RCC1: variants seen among roughly 807,000 people sequenced by gnomAD.
The protein encoded by RCC1 is regulator of chromosome condensation.
In RCC1, 11 loss-of-function variants were observed where a neutral mutation model predicts 44.4. The ratio of observed to expected loss-of-function variants is 0.25; its 90% CI spans 0.16 to 0.41. The LOEUF (loss-of-function observed/expected upper bound fraction) is 0.41, where lower values mean the gene tolerates loss of function less well. Ranked by LOEUF, RCC1 falls within the 10% of genes least tolerant of loss-of-function variation. The pLI is 1.00. For synonymous variants in RCC1, 213 were observed against 216.5 expected (o/e 0.98, Z 0.14); for missense variants, 386 against 547.1 (o/e 0.71, Z 2.94).
At chr1:28,527,279 G>A (rs1356295394) in intron 4 of RCC1, 5 of 626,518 alleles carry the variant, frequency 8.0e-6, no homozygotes, top group East Asian at 3.0e-5. Context: ...TGTCTCTTTC[G>A]CCCAGGCTAA....
In RCC1 at chr1:28,535,924, C is replaced by A. The variant is rs936928759; in HGVS notation, c.715C>A (p.His239Asn). ...VMLKSRGSRG[H>N]VRFQDAFCGA... ...GCTGAAATCCAGGGGAAGCCGGGGC[C>A]ACGTGAGATTCCAGGATGCCTTTTG... The change falls in exon 10 of 13, where the codon CAC becomes AAC. Residue 239 changes from histidine (H) to asparagine (N), a missense_variant. His to Asn is a moderately conservative substitution (Grantham distance 68). Transcript: ENST00000683442. 8 of 1,613,998 alleles carry A rather than the reference C, an allele frequency of 5.0e-6. No individual in the cohort carries two copies. The highest frequency in any genetic ancestry group is 3.3e-5 in the Admixed American group (2 of 59,986).
chr1:28,535,154 T>C lies in RCC1; in HGVS notation c.538+8T>C, dbSNP rs201559412. On this transcript the variant is annotated splice_region_variant and intron_variant, in intron 8 of 12. Transcript: ENST00000683442. ...TGGTAAAGGTGGCCTCAGGTGGGTC[T>C]GGGGGCACTTGCTCAGGGCAGGAGT... is the stretch of plus-strand genomic sequence containing the variant. 3 of 1,614,028 alleles carry C rather than the reference T, an allele frequency of 1.9e-6. No individual in the cohort carries two copies. The highest frequency in any genetic ancestry group is 3.3e-5 in the Admixed American group (2 of 60,012).
intron 7 of RCC1, among the ~76,000 whole-genome samples, chr1:28,533,652 C>T (rs1328172400): frequency 4.8e-5 from 7 of 145,694 alleles, no homozygotes; most frequent in Non-Finnish European, 7.5e-5. Flanking sequence ...TGCCTGTAAT[C>T]CCAGCTACTC....
rs1361721730 is a variant in RCC1 at position 28,530,709 on chromosome 1, C to T, written c.73+770C>T. 3.8e-6 allele frequency: 4 copies of T among 1,063,010 alleles called. No homozygotes were observed. The African/African-American group carries it at 6.6e-5, about 17-fold the overall frequency. 65.8% of individuals were successfully genotyped at this position (1,063,010 alleles called of 1,614,324 possible). ...GGGAGGGGCTGGGCGCCATTGGCTG[C>T]CCGGGGCTGCGGGTTGGGGGGCCGC... On this transcript the variant is annotated intron_variant, in intron 5 of 12. Transcript: ENST00000683442.
Position 28,516,775 on chromosome 1 carries a change from G to C in RCC1, c.-102G>C, listed in dbSNP as rs1345672137. 2.2e-5 allele frequency: 10 copies of C among 455,042 alleles called. No individual in the cohort carries two copies. In the East Asian group the frequency reaches 7.0e-4, roughly 32 times the overall value. 28.2% of individuals were successfully genotyped at this position (455,042 alleles called of 1,614,324 possible). Reference sequence around the variant, plus strand: ...GGAAGACAGCAGAGAGAGAGAGAGAGATCAGAGATCCCAGGGTTAAAAGTT... The same window carrying C: ...GGAAGACAGCAGAGAGAGAGAGAGACATCAGAGATCCCAGGGTTAAAAGTT... On this transcript the variant is annotated 5_prime_UTR_variant, in exon 4 of 13. Transcript: ENST00000683442.
chr1:28,538,095 C>G lies in RCC1; in HGVS notation c.*88C>G. Reference sequence around the variant, plus strand: ...GACAGCTGCAGATGGCAGCGGGCCTCTCCCCAGCCCTGAGCACTGTGTCAG... The same window carrying G: ...GACAGCTGCAGATGGCAGCGGGCCTGTCCCCAGCCCTGAGCACTGTGTCAG... On this transcript the variant is annotated 3_prime_UTR_variant, in exon 13 of 13. Coordinates refer to ENST00000683442, the MANE Select transcript of RCC1 (RefSeq NM_001381865.2). 2.5e-6 allele frequency: 3 copies of G among 1,224,442 alleles called. No individual in the cohort carries two copies. The East Asian group carries it at 7.5e-5, about 31-fold the overall frequency. 75.8% of individuals were successfully genotyped at this position (1,224,442 alleles called of 1,614,324 possible).
rs369170447 is a variant in RCC1 at position 28,527,816 on chromosome 1, C to T, written c.-9-2042C>T. On this transcript the variant is annotated intron_variant, in intron 4 of 12. Transcript: ENST00000683442. Reference sequence around the variant, plus strand: ...TCTGAGGTCAGGAGTTCAAGACCAGCGGGACCAACATGGAGAAACCCCATC... The same window carrying T: ...TCTGAGGTCAGGAGTTCAAGACCAGTGGGACCAACATGGAGAAACCCCATC... 3.9e-3 allele frequency among the ~76,000 whole-genome samples: 586 copies of T among 150,896 alleles called. 3 individuals carry two copies. The highest frequency in any genetic ancestry group is 0.013 in the African/African-American group (539 of 41,076).
At chr1:28,531,657 C>A in intron 5 of RCC1, 146 bp from the exon 6 acceptor site, 1 of 542,474 alleles carries the variant, frequency 1.8e-6, no homozygotes, top group Non-Finnish European at 2.9e-6. Context: ...GTCCCCATTT[C>A]ACAGATGACA....
At position 28,514,221 on chromosome 1, in the gene RCC1, C is replaced by A. The variant is rs565573227; in HGVS notation, c.-152-2504C>A. Reference sequence around the variant, plus strand: ...ATCCCAGCATTTTGGGAGGCCGAGGCGGGCGGATCACGAGATCAGGAGATC... The same window carrying A: ...ATCCCAGCATTTTGGGAGGCCGAGGAGGGCGGATCACGAGATCAGGAGATC... On this transcript the variant is annotated intron_variant, in intron 3 of 12. Coordinates refer to ENST00000683442, the MANE Select transcript of RCC1 (RefSeq NM_001381865.2). Among the ~76,000 whole-genome samples the A allele has an allele frequency of 4.0e-5, 6 of 151,468 alleles. No homozygotes were observed. The East Asian group carries it at 7.8e-4, about 20-fold the overall frequency.
In RCC1 at chr1:28,517,021, T is replaced by TGAGGCAGGAGAATCGCTTGAACCTGG. The variant is rs1384754052; in HGVS notation, c.-10+162_-10+187dup. 2.0e-5 allele frequency among the ~76,000 whole-genome samples: 3 copies of TGAGGCAGGAGAATCGCTTGAACCTGG among 151,938 alleles called. No individual in the cohort carries two copies. In the South Asian group the frequency reaches 6.2e-4, roughly 32 times the overall value. ...CTGTAATCCCAGCTATTTGGGAGGC[T>TGAGGCAGGAGAATCGCTTGAACCTGG]GAGGCAGGAGAATCGCTTGAACCTG... is the stretch of plus-strand genomic sequence containing the variant. On this transcript the variant is annotated intron_variant, in intron 4 of 12. Transcript: ENST00000683442.
At chr1:28,515,946 C>T (rs1294708383) in intron 3 of RCC1, among the ~76,000 whole-genome samples, 1 of 150,590 alleles carries the variant, frequency 6.6e-6, no homozygotes, top group Non-Finnish European at 1.5e-5. Context: ...CTTTGGTAGG[C>T]TGAGGCGGGT....
At chr1:28,514,834 C>G (rs567800155) in intron 3 of RCC1, among the ~76,000 whole-genome samples, 1 of 152,090 alleles carries the variant, frequency 6.6e-6, no homozygotes, top group East Asian at 1.9e-4. Flanking sequence ...TTTGGGAAGC[C>G]AAGGCAGGCA....
At chr1:28,510,313 G>C (rs1662425718) in intron 3 of RCC1, 1 of 152,252 alleles carries the variant, frequency 6.6e-6, no homozygotes, top group Admixed American at 6.5e-5. Context: ...TTTCTTACAA[G>C]CTAAGAGGAG....
intron 4 of RCC1, among the ~76,000 whole-genome samples, chr1:28,528,673 T>G (rs1365774509): frequency 1.3e-5 from 2 of 152,018 alleles, no homozygotes; most frequent in Admixed American, 6.6e-5. Context: ...ACATCTTAGA[T>G]AATATAGGAA....
chr1:28,529,758 A>T (rs1433841366), intron 4 of RCC1, 100 bp from the exon 5 acceptor site: 3 of 884,996 alleles, frequency 3.4e-6, no homozygotes, highest in Non-Finnish European at 5.5e-6. Flanking sequence ...TTGTTGGGCA[A>T]TTCCTCTTAA....
In RCC1 at chr1:28,536,974, G is replaced by A; in HGVS notation, c.1090+75G>A. 6.5e-7 allele frequency: 1 copy of A among 1,533,334 alleles called. No individual in the cohort carries two copies. The highest frequency in any genetic ancestry group is 1.1e-5 in the South Asian group (1 of 87,262). 95.0% of individuals were successfully genotyped at this position (1,533,334 alleles called of 1,614,324 possible). Reference sequence around the variant, plus strand: ...TTCTTACCCAATTCCCCAATAGGCTGTGATGTCCACTCTCGGGGGAGCCGA... The same window carrying A: ...TTCTTACCCAATTCCCCAATAGGCTATGATGTCCACTCTCGGGGGAGCCGA... On this transcript the variant is annotated intron_variant, in intron 12 of 12. Coordinates refer to ENST00000683442, the MANE Select transcript of RCC1 (RefSeq NM_001381865.2). The surrounding 1 kb of genome is among the most constrained non-coding windows in gnomAD (Gnocchi z 4.9).
intron 9 of RCC1, 83 bp downstream of exon 9, chr1:28,535,463 G>A (rs1664488736): frequency 6.3e-7 from 1 of 1,586,798 alleles, no homozygotes; most frequent in East Asian, 2.2e-5. Flanking sequence ...GATTTGCTGT[G>A]GTCAGGCTTG....
chr1:28,536,732 TC>T lies in RCC1; in HGVS notation c.938-12del. 6.2e-7 allele frequency: 1 copy of T among 1,613,236 alleles called. No individual in the cohort carries two copies. Among genetic ancestry groups the T allele is most frequent in the East Asian group, 2.2e-5 (1 of 44,868 alleles). ...CGCCCTCTGCTATTGCTCATCTCTC[TC>T]CCTCCTCCCATAGGAAAAGCATACA... On this transcript the variant is annotated splice_polypyrimidine_tract_variant and intron_variant, in intron 11 of 12. Transcript: ENST00000683442. This position sits in a 1 kb window ranked among gnomAD's most constrained non-coding sequence, Gnocchi z 4.9.
chr1:28,520,255 A>C (rs1663185292), intron 4 of RCC1, among the ~76,000 whole-genome samples: 1 of 152,152 alleles, frequency 6.6e-6, no homozygotes, highest in South Asian at 2.1e-4. Flanking sequence ...TCTGGCAGGC[A>C]AGTTCTTCCT....
Sources: allele counts gnomAD v4.1 joint callset (sites outside exome capture counted in the v4.1 genomes callset), GRCh38; gene constraint gnomAD v4.1.1; non-coding constraint Gnocchi (gnomAD v3.1); transcripts MANE v1.5; gene names NCBI Gene and HGNC (gene_info 2026-07-23, HGNC 2026-07-21).